The following CDH12 variants were observed in gnomAD, a reference collection of about 807,000 sequenced individuals.
CDH12 encodes cadherin-12.
Under a neutral mutation model 74.1 loss-of-function variants are expected in CDH12, and 41 were observed. The observed-to-expected ratio is 0.55, with a 90% confidence interval of 0.43 to 0.72. The LOEUF (loss-of-function observed/expected upper bound fraction) is 0.72. Ranked by LOEUF, CDH12 falls within the 30% of genes least tolerant of loss-of-function variation. The probability of loss-of-function intolerance (pLI) is 0.00; values close to 1 mark genes in which losing one functional copy is unlikely to be tolerated. For synonymous variants in CDH12, 399 were observed against 355.0 expected (o/e 1.12, Z -1.39); for missense variants, 945 against 977.2 (o/e 0.97, Z 0.44).
intron 1 of CDH12, among the ~76,000 whole-genome samples, chr5:22,684,623 C>T (rs1741665452): frequency 6.6e-6 from 1 of 152,192 alleles, no homozygotes; most frequent in African/African-American, 2.4e-5. Context: ...AGAATCTAGA[C>T]TCAGAGAAAT....
chr5:21,764,836 A>T, intron 12 of CDH12, 142 bp downstream of exon 12: 1 of 770,356 alleles, frequency 1.3e-6, no homozygotes, highest in Non-Finnish European at 2.2e-6. Flanking sequence ...ACAAGAGTTT[A>T]ATTAATCTTT....
chr5:22,729,557 TCTTGGGGACTGTA>T (rs1290591140), intron 1 of CDH12, among the ~76,000 whole-genome samples: 3 of 151,894 alleles, frequency 2.0e-5, no homozygotes, highest in African/African-American at 7.2e-5. Flanking sequence ...CATAGAATCA[TCTTGGGGACTGTA>T]CTTCTACCAC....
chr5:22,540,017 A>C (rs4701200), intron 1 of CDH12, among the ~76,000 whole-genome samples: 4,196 of 152,248 alleles, frequency 0.028, 83 homozygotes, highest in Middle Eastern at 0.075. Flanking sequence ...TTTCCTATTG[A>C]ATGTCAATGA....
rs180693860 is a variant in CDH12, at chr5:21,850,307, C to T, written c.646+4364G>A. On this transcript the variant is annotated intron_variant, in intron 7 of 14. Coordinates refer to ENST00000382254, the MANE Select transcript of CDH12 (RefSeq NM_004061.5). ...AACGAGTAGATTATAACTTTCTTTG[C>T]CATGAGGAGGAGCCAGGGGTAGTTG... Among the ~76,000 whole-genome samples, 14 of 151,246 alleles carry T rather than the reference C, an allele frequency of 9.3e-5. No individual in the cohort carries two copies. In the East Asian group the frequency reaches 2.5e-3, roughly 27 times the overall value.
chr5:22,745,490 C>G (rs1299380432), intron 1 of CDH12, among the ~76,000 whole-genome samples: 4 of 152,022 alleles, frequency 2.6e-5, no homozygotes, highest in Non-Finnish European at 5.9e-5. Flanking sequence ...CAACGCTATT[C>G]ACAATAGCAA....
chr5:21,884,420 G>C (rs1291405182), intron 6 of CDH12: 2 of 1,018,772 alleles, frequency 2.0e-6, no homozygotes, highest in East Asian at 2.4e-5. Context: ...TGAAAAAAAG[G>C]CTGGCTGAAA....
At chr5:22,245,621 G>T (rs1752919235) in intron 3 of CDH12, among the ~76,000 whole-genome samples, 1 of 151,426 alleles carries the variant, frequency 6.6e-6, no homozygotes. Flanking sequence ...ATATATATGT[G>T]ATATACATAA....
chr5:22,523,750 C>T (rs745859824), intron 1 of CDH12, among the ~76,000 whole-genome samples: 48 of 152,030 alleles, frequency 3.2e-4, no homozygotes, highest in Non-Finnish European at 6.6e-4. Flanking sequence ...ACATTGTTAA[C>T]GCCTTCCCAG....
At chr5:22,323,746 T>C (rs1489601526) in intron 3 of CDH12, among the ~76,000 whole-genome samples, 1 of 152,090 alleles carries the variant, frequency 6.6e-6, no homozygotes, top group Non-Finnish European at 1.5e-5. Flanking sequence ...CAAGACTGAG[T>C]GTTGGTACAT....
chr5:22,712,730 A>G (rs1014948442), intron 1 of CDH12, among the ~76,000 whole-genome samples: 6 of 152,182 alleles, frequency 3.9e-5, no homozygotes, highest in Non-Finnish European at 5.9e-5. Context: ...TTAAAATACA[A>G]TAAAGTTTAT....
chr5:22,656,564 A>T (rs1740046751), intron 1 of CDH12, among the ~76,000 whole-genome samples: 1 of 152,180 alleles, frequency 6.6e-6, no homozygotes, highest in African/African-American at 2.4e-5. Context: ...TGTAACTTGA[A>T]CAAATTGATA....
At chr5:22,146,127 A>G (rs1056212535) in intron 4 of CDH12, among the ~76,000 whole-genome samples, 10 of 152,078 alleles carry the variant, frequency 6.6e-5, no homozygotes, top group Non-Finnish European at 1.0e-4. Flanking sequence ...TCTAATCAAT[A>G]TTAGTTAATG....
At chr5:22,473,446 T>C (rs899391610) in intron 2 of CDH12, among the ~76,000 whole-genome samples, 2 of 152,166 alleles carry the variant, frequency 1.3e-5, no homozygotes, top group East Asian at 3.9e-4. Context: ...ATAAAACATA[T>C]TTATTGAATG....
At chr5:21,782,419 CA>C (rs1745965843) in intron 11 of CDH12, among the ~76,000 whole-genome samples, 2 of 152,114 alleles carry the variant, frequency 1.3e-5, no homozygotes, top group African/African-American at 2.4e-5. Flanking sequence ...TGAAGACAAA[CA>C]AAACTGTTTG....
intron 1 of CDH12, among the ~76,000 whole-genome samples, chr5:22,791,489 C>T (rs1040438261): frequency 1.2e-4 from 19 of 152,126 alleles, no homozygotes; most frequent in African/African-American, 4.6e-4. Context: ...ATGCGATTCC[C>T]TTTAATGTAG....
chr5:21,773,927 A>G (rs1204067126), intron 11 of CDH12, among the ~76,000 whole-genome samples: 1 of 152,140 alleles, frequency 6.6e-6, no homozygotes, highest in African/African-American at 2.4e-5. Context: ...TTCTGGTTGT[A>G]AGAAGGATAA....
chr5:21,816,871 C>G, intron 9 of CDH12, 74 bp downstream of exon 9: 3 of 1,054,432 alleles, frequency 2.8e-6, no homozygotes, highest in Non-Finnish European at 4.0e-6. Flanking sequence ...AATTACTTGT[C>G]ATTTTCAATA....
intron 8 of CDH12, among the ~76,000 whole-genome samples, chr5:21,839,794 G>C (rs965521706): frequency 1.3e-5 from 2 of 152,062 alleles, no homozygotes; most frequent in Non-Finnish European, 2.9e-5. Context: ...ACTTAATTAA[G>C]ATCCTTATAC....
At chr5:22,659,858 T>C (rs113026675) in intron 1 of CDH12, among the ~76,000 whole-genome samples, 1 of 152,126 alleles carries the variant, frequency 6.6e-6, no homozygotes, top group Non-Finnish European at 1.5e-5. Context: ...TTTCTAAAAA[T>C]AGAATTATTT....
Sources: allele counts gnomAD v4.1 joint callset (sites outside exome capture counted in the v4.1 genomes callset), GRCh38; gene constraint gnomAD v4.1.1; transcripts MANE v1.5; gene names NCBI Gene and HGNC (gene_info 2026-07-23, HGNC 2026-07-21).